Variants in MCC observed in about 807,000 individuals in gnomAD.
MCC encodes colorectal mutant cancer protein.
Under a neutral mutation model 116.2 loss-of-function variants are expected in MCC, and 90 were observed. That is an observed-to-expected ratio of 0.77 (90% CI 0.65 to 0.92). MCC has a LOEUF of 0.92. MCC is among the 40% of genes least tolerant of loss of function. The pLI is 0.00. For synonymous variants in MCC, 578 were observed against 510.5 expected (o/e 1.13, Z -1.78); for missense variants, 1,516 against 1,312.2 (o/e 1.16, Z -2.40).
At chr5:113,313,539 C>T (rs1341960864) in intron 3 of MCC, among the ~76,000 whole-genome samples, 2 of 151,996 alleles carry the variant, frequency 1.3e-5, no homozygotes, top group African/African-American at 4.8e-5. Flanking sequence ...ATGGCAATGG[C>T]GAGCTACTAA....
intron 3 of MCC, among the ~76,000 whole-genome samples, chr5:113,335,992 C>G (rs1330103852): frequency 6.6e-6 from 1 of 151,624 alleles, no homozygotes; most frequent in African/African-American, 2.4e-5. Context: ...GTTCTGGAGG[C>G]TGGGAAGCCC....
chr5:113,293,738 T>C (rs1317969011), intron 3 of MCC, among the ~76,000 whole-genome samples: 1 of 151,786 alleles, frequency 6.6e-6, no homozygotes, highest in Non-Finnish European at 1.5e-5. Flanking sequence ...GACTCAGGAG[T>C]CCAGATCCGG....
At chr5:113,277,649 T>A (rs1387327044) in intron 3 of MCC, among the ~76,000 whole-genome samples, 1 of 152,240 alleles carries the variant, frequency 6.6e-6, no homozygotes, top group Non-Finnish European at 1.5e-5. Flanking sequence ...TACACACATG[T>A]ATTATATATA....
chr5:113,339,541 GCTGGA>G (rs1177345130), intron 3 of MCC, among the ~76,000 whole-genome samples: 1 of 151,946 alleles, frequency 6.6e-6, no homozygotes, highest in Non-Finnish European at 1.5e-5. Context: ...GCTTCTCTTA[GCTGGA>G]CAGTTTCTCT....
intron 1 of MCC, among the ~76,000 whole-genome samples, chr5:113,402,129 C>T (rs1019526849): frequency 6.6e-6 from 1 of 151,936 alleles, no homozygotes; most frequent in African/African-American, 2.4e-5. Flanking sequence ...CCCGTCTCTA[C>T]TAAAAATACA....
At chr5:113,080,601 A>G (rs1014755218) in intron 11 of MCC, among the ~76,000 whole-genome samples, 9 of 152,136 alleles carry the variant, frequency 5.9e-5, no homozygotes, top group African/African-American at 2.2e-4. Context: ...GGAATTGAAC[A>G]ATGAGAACAC....
At chr5:113,431,948 C>T (rs148956759) in intron 1 of MCC, among the ~76,000 whole-genome samples, 1 of 152,228 alleles carries the variant, frequency 6.6e-6, no homozygotes, top group African/African-American at 2.4e-5. Flanking sequence ...TCATCCTAGT[C>T]AACTTGGTGA....
chr5:113,287,451 C>T (rs1426713506), intron 3 of MCC, among the ~76,000 whole-genome samples: 12 of 152,096 alleles, frequency 7.9e-5, no homozygotes, highest in African/African-American at 2.2e-4. Flanking sequence ...CTCAGCCTCC[C>T]GAGTAGCTGG....
At chr5:113,141,659 AC>A (rs1461185398) in intron 5 of MCC, among the ~76,000 whole-genome samples, 1 of 152,200 alleles carries the variant, frequency 6.6e-6, no homozygotes, top group Non-Finnish European at 1.5e-5. Flanking sequence ...CATTTACATA[AC>A]AAAAACTGGC....
Position 113,265,142 on chromosome 5 carries a change from T to C in MCC, c.627+75377A>G, listed in dbSNP as rs895174485. On this transcript the variant is annotated intron_variant, in intron 3 of 18. Transcript: ENST00000408903. Reference sequence around the variant, plus strand: ...AGTTGAGTAGTAATGTCAGAGACCATAGGACCTGCAAAGCTTAAAATATTT... The same window carrying C: ...AGTTGAGTAGTAATGTCAGAGACCACAGGACCTGCAAAGCTTAAAATATTT... Among the ~76,000 whole-genome samples the C allele has an allele frequency of 3.3e-5, 5 of 152,332 alleles. No homozygotes were observed. In the East Asian group the frequency reaches 7.7e-4, roughly 23 times the overall value.
intron 1 of MCC, among the ~76,000 whole-genome samples, chr5:113,401,600 A>C (rs1580333878): frequency 6.6e-6 from 1 of 152,104 alleles, no homozygotes; most frequent in East Asian, 1.9e-4. Context: ...CTGACCTCCG[A>C]ACCTCCAGAC....
chr5:113,297,797 G>A (rs1043485455), intron 3 of MCC, among the ~76,000 whole-genome samples: 3 of 151,406 alleles, frequency 2.0e-5, no homozygotes, highest in Admixed American at 6.6e-5. Flanking sequence ...GAAATAGGAG[G>A]GGACAGGCAG....
Position 113,151,292 on chromosome 5 carries a change from C to T in MCC, c.741+17G>A. 2 of 1,509,990 alleles carry T rather than the reference C, an allele frequency of 1.3e-6. No homozygotes were observed. The highest frequency in any genetic ancestry group is 1.8e-6 in the Non-Finnish European group (2 of 1,100,374). The allele number at this position is 1,509,990 out of a possible 1,614,324, so 93.5% of individuals were successfully genotyped here. A position where few individuals can be genotyped will look rare whatever the true frequency, so the allele number is the denominator to read the frequency against. On this transcript the variant is annotated intron_variant, in intron 4 of 18. Coordinates refer to ENST00000408903, the MANE Select transcript of MCC (RefSeq NM_001085377.2). ...CAAAAAACAAAAGCAAACTAAAAACCTTTCCAGATCCCTTACCTGTGCCTT... is the reference window on the plus strand; with the variant it reads ...CAAAAAACAAAAGCAAACTAAAAACTTTTCCAGATCCCTTACCTGTGCCTT...
In MCC at chr5:113,103,143, TAAAGA is replaced by T. The variant is rs1278266467; in HGVS notation, c.1191+1044_1191+1048del. Among the ~76,000 whole-genome samples the T allele has an allele frequency of 1.7e-4, 26 of 151,932 alleles. No homozygotes were observed. The East Asian group carries it at 4.8e-3, about 28-fold the overall frequency. On this transcript the variant is annotated intron_variant, in intron 7 of 18. Transcript: ENST00000408903. ...AAAATAATAAAAATAATAAAAAGAATAAAGAAAAGAAAAGAAACAGAACGCCTCCA... is the reference window on the plus strand; with the variant it reads ...AAAATAATAAAAATAATAAAAAGAATAAAGAAAAGAAACAGAACGCCTCCA...
intron 5 of MCC, among the ~76,000 whole-genome samples, chr5:113,140,581 G>A (rs957038413): frequency 6.6e-6 from 1 of 152,138 alleles, no homozygotes; most frequent in Non-Finnish European, 1.5e-5. Context: ...GAAGGTGCCT[G>A]GTGCTTTGAT....
At chr5:113,076,846 A>G (rs1050299622) in intron 11 of MCC, among the ~76,000 whole-genome samples, 13 of 152,244 alleles carry the variant, frequency 8.5e-5, no homozygotes, top group Non-Finnish European at 1.8e-4. Flanking sequence ...GTTTCAATTA[A>G]AAGACACAGA....
chr5:113,436,288 G>A (rs1770863087), intron 1 of MCC: 1 of 152,506 alleles, frequency 6.6e-6, no homozygotes. Context: ...CTTCCTGCTG[G>A]GGAAACCCCA....
At chr5:113,354,892 T>G (rs1768372955) in intron 2 of MCC, among the ~76,000 whole-genome samples, 1 of 151,576 alleles carries the variant, frequency 6.6e-6, no homozygotes, top group Non-Finnish European at 1.5e-5. Flanking sequence ...TGTTCTTACG[T>G]AGAAAAATAT....
At chr5:113,175,958 T>C (rs558919613) in intron 3 of MCC, among the ~76,000 whole-genome samples, 28 of 152,226 alleles carry the variant, frequency 1.8e-4, no homozygotes, top group African/African-American at 5.3e-4. Context: ...CTACCCCCTA[T>C]GTACTGTACC....
Sources: allele counts gnomAD v4.1 joint callset (sites outside exome capture counted in the v4.1 genomes callset), GRCh38; gene constraint gnomAD v4.1.1; transcripts MANE v1.5; gene names NCBI Gene and HGNC (gene_info 2026-07-23, HGNC 2026-07-21).